Variants in LARGE1 observed in about 807,000 individuals in gnomAD.
LARGE1 encodes LARGE xylosyl- and glucuronyltransferase 1, also known as xylosyl- and glucuronyltransferase LARGE1.
A neutral mutation model predicts 87.6 loss-of-function variants in LARGE1; 43 were observed. That is an observed-to-expected ratio of 0.49 (90% CI 0.38 to 0.63). The LOEUF is 0.63. Among genes scored for constraint, LARGE1 ranks in the 30% least tolerant of loss-of-function variants. The pLI is 0.00. For missense variants in LARGE1, 802 were observed against 1,000.2 expected, an observed-to-expected ratio of 0.80 and a Z score of 2.67; for synonymous variants, 434 against 394.6, an observed-to-expected ratio of 1.10 and a Z score of -1.18.
At chr22:33,418,781 C>T (rs1283966075) in intron 7 of LARGE1, among the ~76,000 whole-genome samples, 7 of 152,060 alleles carry the variant, frequency 4.6e-5, no homozygotes, top group Non-Finnish European at 8.8e-5. Flanking sequence ...CAGCCCAGGC[C>T]GGCTCCCATC....
At position 33,721,166 on chromosome 22, in the gene LARGE1, T is replaced by C. The variant is rs764366647; in HGVS notation, c.106+40205A>G. On this transcript the variant is annotated intron_variant, in intron 2 of 14. Transcript: ENST00000397394. ...CTACAATATTTAGTGAGGCTACCTA[T>C]GTAGAAGTGACTTTGGAACCAGGTA... Among the ~76,000 whole-genome samples, 8 of 152,324 alleles carry C rather than the reference T, an allele frequency of 5.3e-5. No homozygotes were observed. The East Asian group carries it at 1.5e-3, about 29-fold the overall frequency.
chr22:33,771,256 G>A (rs377253644), intron 1 of LARGE1, among the ~76,000 whole-genome samples: 2 of 148,364 alleles, frequency 1.3e-5, no homozygotes, highest in African/African-American at 5.0e-5. Flanking sequence ...GTAAGTACTC[G>A]CCCCTCCCTT....
intron 10 of LARGE1, among the ~76,000 whole-genome samples, chr22:33,326,049 G>A (rs149900525): frequency 1.3e-3 from 201 of 152,248 alleles, no homozygotes; most frequent in African/African-American, 4.7e-3. Context: ...GACCTTCCTC[G>A]TTGCCTGCTG....
intron 1 of LARGE1, among the ~76,000 whole-genome samples, chr22:33,799,931 C>T (rs1201439818): frequency 6.6e-6 from 1 of 152,144 alleles, no homozygotes; most frequent in African/African-American, 2.4e-5. Flanking sequence ...ACCATGTGTG[C>T]TCACATGTGC....
chr22:33,544,314 T>C (rs1228863470), intron 6 of LARGE1, among the ~76,000 whole-genome samples: 11 of 152,220 alleles, frequency 7.2e-5, no homozygotes, highest in Admixed American at 5.9e-4. Flanking sequence ...AGGGGTGGTC[T>C]TGGAAACTCC....
At chr22:33,674,515 C>G (rs1371112948) in intron 2 of LARGE1, among the ~76,000 whole-genome samples, 1 of 152,196 alleles carries the variant, frequency 6.6e-6, no homozygotes, top group African/African-American at 2.4e-5. Flanking sequence ...TAAGGCGAAA[C>G]TCTTTTGCAT....
At chr22:33,739,150 G>A (rs574036827) in intron 2 of LARGE1, among the ~76,000 whole-genome samples, 1 of 152,134 alleles carries the variant, frequency 6.6e-6, no homozygotes, top group Non-Finnish European at 1.5e-5. Flanking sequence ...GAGATACCAT[G>A]TGTCCTTTAC....
chr22:33,391,462 C>T (rs987731929), intron 7 of LARGE1, among the ~76,000 whole-genome samples: 4 of 152,008 alleles, frequency 2.6e-5, no homozygotes, highest in African/African-American at 9.7e-5. Context: ...TGAATGATGT[C>T]TACACTGAAA....
At chr22:33,409,728 G>A (rs917762030) in intron 7 of LARGE1, among the ~76,000 whole-genome samples, 9 of 152,022 alleles carry the variant, frequency 5.9e-5, no homozygotes, top group African/African-American at 2.2e-4. Context: ...AGGTGTGGTG[G>A]CACACGCCTT....
chr22:33,565,740 A>AGGAGGACCT (rs1197201707), intron 5 of LARGE1, among the ~76,000 whole-genome samples: 10 of 150,350 alleles, frequency 6.7e-5, no homozygotes, highest in Admixed American at 3.3e-4. Flanking sequence ...ATAGGACAGA[A>AGGAGGACCT]ATGAACCACC....
At chr22:33,433,357 G>C (rs1258396878) in intron 6 of LARGE1, among the ~76,000 whole-genome samples, 3 of 152,082 alleles carry the variant, frequency 2.0e-5, no homozygotes, top group African/African-American at 7.2e-5. Flanking sequence ...AGCACTTTGG[G>C]AGGCCGGGAT....
At chr22:33,414,309 G>A (rs1601756045) in intron 7 of LARGE1, among the ~76,000 whole-genome samples, 1 of 152,138 alleles carries the variant, frequency 6.6e-6, no homozygotes, top group African/African-American at 2.4e-5. Context: ...GGGACTAGGG[G>A]AAGGGAGAAA....
At chr22:33,618,744 C>G (rs951473577) in intron 4 of LARGE1, among the ~76,000 whole-genome samples, 10 of 152,188 alleles carry the variant, frequency 6.6e-5, no homozygotes, top group Admixed American at 2.0e-4. Flanking sequence ...AGGAACAGGT[C>G]CCCAGTGAAA....
rs3072340 is a variant in LARGE1, at chr22:33,837,257, T to TACACACACACACACACAC, written c.-82-75717_-82-75700dup. Among the ~76,000 whole-genome samples, 13 of 149,756 alleles carry TACACACACACACACACAC rather than the reference T, an allele frequency of 8.7e-5. 1 individual carries two copies. Among genetic ancestry groups the TACACACACACACACACAC allele is most frequent in the African/African-American group, 2.7e-4 (11 of 40,606 alleles). On this transcript the variant is annotated intron_variant, in intron 1 of 14. Coordinates refer to ENST00000397394, the MANE Select transcript of LARGE1 (RefSeq NM_133642.5). ...TATATGGAGTAGAGAGTATTACATA[T>TACACACACACACACACAC]ACACACACACACACACACACACACC...
intron 6 of LARGE1, among the ~76,000 whole-genome samples, chr22:33,535,555 A>G (rs996703432): frequency 7.2e-4 from 109 of 152,254 alleles, no homozygotes; most frequent in Non-Finnish European, 2.2e-4. Flanking sequence ...AAAAGAAAAA[A>G]AAAAAGAAAA....
chr22:33,070,943 G>A, the LARGE1 span, among the ~76,000 whole-genome samples: 7 of 152,234 alleles, frequency 4.6e-5, no homozygotes, highest in South Asian at 1.2e-3. Context: ...GGAGAGCTGG[G>A]CGTGATGTGA....
chr22:33,350,361 C>T (rs1940245407), intron 9 of LARGE1, among the ~76,000 whole-genome samples: 1 of 152,230 alleles, frequency 6.6e-6, no homozygotes, highest in African/African-American at 2.4e-5. Flanking sequence ...AGACAACCCA[C>T]ACAAGACCAG....
At chr22:33,478,399 C>T (rs1376884574) in intron 6 of LARGE1, among the ~76,000 whole-genome samples, 1 of 152,230 alleles carries the variant, frequency 6.6e-6, no homozygotes, top group African/African-American at 2.4e-5. Context: ...TTGCCTAGAA[C>T]ACCTATTAAC....
intron 6 of LARGE1, among the ~76,000 whole-genome samples, chr22:33,442,618 A>G (rs1285301598): frequency 1.3e-5 from 2 of 152,128 alleles, no homozygotes; most frequent in Non-Finnish European, 1.5e-5. Flanking sequence ...AGCTCTCTTT[A>G]TGCTATGTCA....
Sources: allele counts gnomAD v4.1 joint callset (sites outside exome capture counted in the v4.1 genomes callset), GRCh38; gene constraint gnomAD v4.1.1; transcripts MANE v1.5; gene names NCBI Gene and HGNC (gene_info 2026-07-23, HGNC 2026-07-21).